Variants in GRIK2 observed in about 807,000 individuals in gnomAD.
GRIK2 encodes the protein glutamate ionotropic receptor kainate type subunit 2.
GRIK2 carries 32 observed loss-of-function variants against 100.3 expected under a neutral mutation model. The ratio of observed to expected loss-of-function variants is 0.32; its 90% CI spans 0.24 to 0.43. GRIK2 has a LOEUF of 0.43. GRIK2 is among the 20% of genes least tolerant of loss of function. The pLI is 1.00. For synonymous variants in GRIK2, 417 were observed against 389.4 expected, an observed-to-expected ratio of 1.07 and a Z score of -0.83; for missense variants, 843 against 1,114.9, an observed-to-expected ratio of 0.76 and a Z score of 3.47.
At chr6:101,568,704 C>G (rs1777396882) in intron 2 of GRIK2, among the ~76,000 whole-genome samples, 1 of 151,946 alleles carries the variant, frequency 6.6e-6, no homozygotes, top group Admixed American at 6.6e-5. Context: ...AGCCTTGTGA[C>G]CATTTCTAAC....
intron 4 of GRIK2, among the ~76,000 whole-genome samples, chr6:101,666,484 G>A (rs1269324096): frequency 6.6e-6 from 1 of 152,190 alleles, no homozygotes; most frequent in Admixed American, 6.5e-5. Flanking sequence ...ATAGCTCAAA[G>A]CCTCTACCAT....
At chr6:101,440,337 G>T (rs1339034129) in intron 2 of GRIK2, among the ~76,000 whole-genome samples, 1 of 152,174 alleles carries the variant, frequency 6.6e-6, no homozygotes. Flanking sequence ...CAGATTTTAT[G>T]AAGAAATGAA....
intron 16 of GRIK2, among the ~76,000 whole-genome samples, chr6:102,060,059 C>T (rs1168996330): frequency 6.7e-6 from 1 of 150,256 alleles, no homozygotes; most frequent in East Asian, 1.9e-4. Context: ...ATAGGTGTCC[C>T]ATCTTGAACA....
At chr6:101,892,885 C>A (rs1393221255) in intron 12 of GRIK2, among the ~76,000 whole-genome samples, 2 of 151,206 alleles carry the variant, frequency 1.3e-5, no homozygotes, top group Admixed American at 1.3e-4. Flanking sequence ...ACTGAAAAAT[C>A]AGATTAAAAG....
At chr6:101,479,516 T>A (rs1184421606) in intron 2 of GRIK2, among the ~76,000 whole-genome samples, 1 of 152,162 alleles carries the variant, frequency 6.6e-6, no homozygotes, top group South Asian at 2.1e-4. Context: ...AAAACAGTAA[T>A]TTAATTTTTA....
At chr6:101,617,110 G>T (rs1779926341) in intron 2 of GRIK2, among the ~76,000 whole-genome samples, 1 of 151,542 alleles carries the variant, frequency 6.6e-6, no homozygotes, top group African/African-American at 2.4e-5. Flanking sequence ...TACTGCTTGT[G>T]TTTTCAAACT....
chr6:101,481,111 A>G (rs1269883501), intron 2 of GRIK2, among the ~76,000 whole-genome samples: 2 of 152,222 alleles, frequency 1.3e-5, no homozygotes, highest in Non-Finnish European at 2.9e-5. Context: ...ATCCTTGGTG[A>G]CACACTGACA....
intron 12 of GRIK2, among the ~76,000 whole-genome samples, chr6:101,893,876 ATATC>A (rs1455463290): frequency 6.6e-6 from 1 of 151,742 alleles, no homozygotes; most frequent in Non-Finnish European, 1.5e-5. Flanking sequence ...CTGGCAATAT[ATATC>A]TATTACCCTT....
chr6:101,933,779 G>A (rs1002496615), intron 14 of GRIK2, among the ~76,000 whole-genome samples: 3 of 151,856 alleles, frequency 2.0e-5, no homozygotes, highest in African/African-American at 7.2e-5. Context: ...TTATTCTACA[G>A]GGCAGTCAAA....
Position 101,864,950 on chromosome 6 carries a change from C to G in GRIK2, c.1524+5457C>G, listed in dbSNP as rs1295933317. Among the ~76,000 whole-genome samples the G allele has an allele frequency of 2.0e-5, 3 of 152,140 alleles. No individual in the cohort carries two copies. In the East Asian group the frequency reaches 5.8e-4, roughly 29 times the overall value. ...GTTTAGCTCTTTTATAAGTGCCAAA[C>G]ATCTTTACAACTTCTTTGTCTTTAA... On this transcript the variant is annotated intron_variant, in intron 11 of 16. Transcript: ENST00000369134.
chr6:101,944,661 A>G lies in GRIK2; in HGVS notation c.2085+16029A>G, dbSNP rs150254367. The stretch of plus-strand genomic sequence containing the variant: ...TTTGTGCTAATATCACACTGAACAA[A>G]AGCAAACTAAATTGAATTTCAAAAG... On this transcript the variant is annotated intron_variant, in intron 14 of 16. Transcript: ENST00000369134. Among the ~76,000 whole-genome samples the G allele has an allele frequency of 4.8e-3, 724 of 152,278 alleles. 8 individuals are homozygous for G. The highest frequency in any genetic ancestry group is 0.017 in the African/African-American group (706 of 41,576).
chr6:101,466,984 G>T (rs1771681340), intron 2 of GRIK2, among the ~76,000 whole-genome samples: 1 of 152,106 alleles, frequency 6.6e-6, no homozygotes, highest in Non-Finnish European at 1.5e-5. Context: ...TTTGATCTAA[G>T]CACCCGCTAA....
intron 2 of GRIK2, among the ~76,000 whole-genome samples, chr6:101,494,678 C>T (rs1445529274): frequency 1.3e-5 from 2 of 151,580 alleles, no homozygotes; most frequent in African/African-American, 2.4e-5. Context: ...TGCCTGTAAT[C>T]CCAGCACTTT....
At chr6:101,994,845 A>T (rs1327404231) in intron 14 of GRIK2, among the ~76,000 whole-genome samples, 2 of 151,914 alleles carry the variant, frequency 1.3e-5, no homozygotes, top group African/African-American at 4.8e-5. Flanking sequence ...TAGGGCAACC[A>T]TAACTATAGC....
intron 7 of GRIK2, among the ~76,000 whole-genome samples, chr6:101,694,220 T>C (rs914430369): frequency 6.6e-6 from 1 of 152,106 alleles, no homozygotes; most frequent in African/African-American, 2.4e-5. Context: ...TAACAAGGCA[T>C]TGAACTTGAG....
chr6:101,632,590 A>T (rs370613635), intron 4 of GRIK2, among the ~76,000 whole-genome samples: 2 of 152,154 alleles, frequency 1.3e-5, no homozygotes, highest in African/African-American at 4.8e-5. Flanking sequence ...TTTATAAGAA[A>T]GCTCGAGTGA....
At chr6:102,034,590 T>G (rs990616594) in intron 14 of GRIK2, among the ~76,000 whole-genome samples, 1 of 151,432 alleles carries the variant, frequency 6.6e-6, no homozygotes, top group African/African-American at 2.4e-5. Context: ...CAAAACCTAT[T>G]TTCTTCTTTT....
intron 7 of GRIK2, among the ~76,000 whole-genome samples, chr6:101,720,228 T>C (rs560648361): frequency 7.9e-5 from 12 of 152,012 alleles, no homozygotes; most frequent in African/African-American, 2.6e-4. Flanking sequence ...GCCCACACTG[T>C]CAGAAAAAAA....
chr6:101,687,161 A>G (rs1472770257), intron 7 of GRIK2, among the ~76,000 whole-genome samples: 3 of 152,012 alleles, frequency 2.0e-5, no homozygotes, highest in African/African-American at 4.8e-5. Flanking sequence ...ATTTGACATC[A>G]TGCATATTAA....
Sources: allele counts gnomAD v4.1 joint callset (sites outside exome capture counted in the v4.1 genomes callset), GRCh38; gene constraint gnomAD v4.1.1; transcripts MANE v1.5; gene names NCBI Gene and HGNC (gene_info 2026-07-23, HGNC 2026-07-21).